CFAP54: variants seen among roughly 807,000 people sequenced by gnomAD.
CFAP54 encodes cilia- and flagella-associated protein 54.
A neutral mutation model predicts 370.4 loss-of-function variants in CFAP54; 290 were observed. That is an observed-to-expected ratio of 0.78 (90% CI 0.71 to 0.86). The LOEUF (loss-of-function observed/expected upper bound fraction) is 0.86. Among genes scored for constraint, CFAP54 ranks in the 40% least tolerant of loss-of-function variants. The pLI is 0.00. For synonymous variants in CFAP54, 1,206 were observed against 1,236.5 expected (o/e 0.98, Z 0.52); for missense variants, 3,399 against 3,528.7 (o/e 0.96, Z 0.93).
chr12:96,852,366 C>A (rs79270207), intron 66 of CFAP54, among the ~76,000 whole-genome samples: 1,699 of 152,098 alleles, frequency 0.011, 80 homozygotes, highest in East Asian at 0.11. Context: ...CGTTGTATTT[C>A]TATATAATAA....
At chr12:96,699,818 C>CA (rs1335298642) in intron 45 of CFAP54, among the ~76,000 whole-genome samples, 153 bp from the exon 46 acceptor site, 1 of 152,184 alleles carries the variant, frequency 6.6e-6, no homozygotes, top group Non-Finnish European at 1.5e-5. Flanking sequence ...GCATCTCTCT[C>CA]CACTGTGTCT....
At chr12:96,868,534 A>G (rs1472768305) in intron 67 of CFAP54, among the ~76,000 whole-genome samples, 1 of 140,930 alleles carries the variant, frequency 7.1e-6, no homozygotes, top group Middle Eastern at 4.0e-3. Context: ...TTTCCTTTCC[A>G]TTTTTGTTTA....
At chr12:96,520,020 T>C in intron 6 of CFAP54, among the ~76,000 whole-genome samples, 1 of 152,164 alleles carries the variant, frequency 6.6e-6, no homozygotes, top group East Asian at 1.9e-4. Flanking sequence ...ACTTTGTTTT[T>C]CTTTTGTTTT....
At chr12:96,862,992 G>A (rs1959914568) in intron 67 of CFAP54, among the ~76,000 whole-genome samples, 2 of 152,280 alleles carry the variant, frequency 1.3e-5, no homozygotes, top group South Asian at 2.1e-4. Context: ...TCAACCTCAT[G>A]TTAATTTCCC....
intron 19 of CFAP54, among the ~76,000 whole-genome samples, chr12:96,565,295 G>A (rs537055252): frequency 4.1e-4 from 62 of 152,128 alleles, no homozygotes; most frequent in African/African-American, 1.3e-3. Flanking sequence ...ATGCAGTGGC[G>A]CAGTCCTAGA....
intron 1 of CFAP54, among the ~76,000 whole-genome samples, chr12:96,499,813 G>T (rs1955004304): frequency 6.6e-6 from 1 of 152,086 alleles, no homozygotes. Context: ...AGGCATGGTG[G>T]TGCACGCCTG....
intron 45 of CFAP54, among the ~76,000 whole-genome samples, chr12:96,699,736 T>G (rs1162338826): frequency 2.0e-5 from 3 of 152,192 alleles, no homozygotes; most frequent in African/African-American, 7.2e-5. Flanking sequence ...TGTCCATTGT[T>G]TTGAACAGCC....
intron 67 of CFAP54, among the ~76,000 whole-genome samples, chr12:96,865,055 T>C (rs916845080): frequency 4.7e-4 from 72 of 152,332 alleles, no homozygotes; most frequent in African/African-American, 1.6e-3. Flanking sequence ...GCTTAACTAC[T>C]CTTTGCCATT....
chr12:96,720,511 A>G lies in CFAP54; in HGVS notation c.6911A>G (p.Glu2304Gly). 6.3e-7 allele frequency: 1 copy of G among 1,596,222 alleles called. No individual in the cohort carries two copies. The highest frequency in any genetic ancestry group is 8.6e-7 in the Non-Finnish European group (1 of 1,169,322). ...GCTGGCGAGCTGGAGATTGTGGTGG[A>G]GGCCCGGCTTCAGCTGGCTGCAGTT... ...CSAGELEIVV[E>G]ARLQLAAVAL... The change falls in exon 50 of 68, where the codon GAG becomes GGG. Residue 2304 changes from glutamate to glycine, a missense_variant. Glu to Gly is a moderately conservative substitution (Grantham distance 98, BLOSUM62 -2). This residue lies in a region of CFAP54 where 2,796 missense variants were observed against 2,869.7 expected (regional missense o/e 0.97). Coordinates refer to ENST00000524981, the MANE Select transcript of CFAP54 (RefSeq NM_001306084.2).
At chr12:96,721,516 A>G (rs1387013964) in intron 50 of CFAP54, among the ~76,000 whole-genome samples, 1 of 152,236 alleles carries the variant, frequency 6.6e-6, no homozygotes, top group Non-Finnish European at 1.5e-5. Flanking sequence ...AAATAATATT[A>G]CAGCGCTTTT....
At chr12:96,541,243 C>T (rs1369006902) in intron 14 of CFAP54, among the ~76,000 whole-genome samples, 1 of 151,846 alleles carries the variant, frequency 6.6e-6, no homozygotes, top group Admixed American at 6.6e-5. Flanking sequence ...ACTGCCTACT[C>T]CCCTTTAGTC....
At chr12:96,604,396 C>A (rs1422011810) in intron 26 of CFAP54, among the ~76,000 whole-genome samples, 6 of 152,334 alleles carry the variant, frequency 3.9e-5, no homozygotes, top group African/African-American at 1.4e-4. Flanking sequence ...GTCTCCCAGT[C>A]AGGTTACACA....
intron 51 of CFAP54, 81 bp from the exon 52 acceptor site, chr12:96,742,358 A>T: frequency 2.9e-6 from 3 of 1,042,680 alleles, no homozygotes; most frequent in Non-Finnish European, 4.2e-6. Context: ...GATGCCTTTT[A>T]AACTTACATT....
At chr12:96,512,948 G>A in intron 4 of CFAP54, 38 bp from the exon 5 acceptor site, 2 of 1,338,396 alleles carry the variant, frequency 1.5e-6, no homozygotes, top group Non-Finnish European at 2.0e-6. Flanking sequence ...TCTATCATTT[G>A]ACTGTAAAAC....
At chr12:96,512,347 A>G (rs944634361) in intron 4 of CFAP54, among the ~76,000 whole-genome samples, 51 of 75,726 alleles carry the variant, frequency 6.7e-4, no homozygotes, top group Non-Finnish European at 1.1e-3. Flanking sequence ...ATATATATAT[A>G]TATGTATATA....
intron 20 of CFAP54, among the ~76,000 whole-genome samples, chr12:96,580,249 C>T (rs1043529683): frequency 2.0e-5 from 3 of 152,050 alleles, no homozygotes; most frequent in African/African-American, 7.2e-5. Context: ...TATTTAACAT[C>T]TCTGCATCTC....
intron 26 of CFAP54, among the ~76,000 whole-genome samples, chr12:96,609,946 A>G (rs958984885): frequency 1.3e-5 from 2 of 152,256 alleles, no homozygotes; most frequent in Non-Finnish European, 2.9e-5. Context: ...TTGTCACAGA[A>G]GTGCAGATCC....
intron 50 of CFAP54, among the ~76,000 whole-genome samples, chr12:96,733,459 G>A (rs896682051): frequency 6.6e-6 from 1 of 151,684 alleles, no homozygotes; most frequent in Non-Finnish European, 1.5e-5. Flanking sequence ...TGTCATGAAT[G>A]CTAATAAGAA....
chr12:96,848,666 C>A (rs1959439533), intron 66 of CFAP54, among the ~76,000 whole-genome samples: 1 of 152,134 alleles, frequency 6.6e-6, no homozygotes, highest in African/African-American at 2.4e-5. Context: ...CCACTGCACT[C>A]CAGCCTGGCA....
Sources: allele counts gnomAD v4.1 joint callset (sites outside exome capture counted in the v4.1 genomes callset), GRCh38; gene constraint gnomAD v4.1.1; regional missense constraint gnomAD v4.1.1; transcripts MANE v1.5; gene names NCBI Gene and HGNC (gene_info 2026-07-23, HGNC 2026-07-21).